The following PCDHGA6 variants were observed in gnomAD, a reference collection of about 807,000 sequenced individuals.
PCDHGA6 encodes protocadherin gamma subfamily A, 6.
PCDHGA6 carries 41 observed loss-of-function variants against 60.6 expected under a neutral mutation model. The ratio of observed to expected loss-of-function variants is 0.68; its 90% CI spans 0.53 to 0.88. PCDHGA6 has a LOEUF of 0.88. Ranked by LOEUF, PCDHGA6 falls within the 40% of genes least tolerant of loss-of-function variation. The pLI is 0.00. For missense variants in PCDHGA6, 1,312 were observed against 1,203.0 expected (o/e 1.09, Z -1.34); for synonymous variants, 594 against 524.4 (o/e 1.13, Z -1.81).
chr5:141,427,810 G>A (rs2097074260), intron 1 of PCDHGA6: 1 of 1,523,990 alleles, frequency 6.6e-7, no homozygotes, highest in Non-Finnish European at 9.0e-7. Flanking sequence ...AGCGCACAGA[G>A]CGGGGTGGTG....
At chr5:141,450,626 A>G (rs1474729472) in intron 1 of PCDHGA6, among the ~76,000 whole-genome samples, 1 of 151,438 alleles carries the variant, frequency 6.6e-6, no homozygotes, top group East Asian at 2.0e-4. Context: ...AGCTGGGATT[A>G]CAGATGCCTG....
chr5:141,397,625 G>A (rs558654986), intron 1 of PCDHGA6, among the ~76,000 whole-genome samples: 2 of 152,338 alleles, frequency 1.3e-5, no homozygotes, highest in South Asian at 4.1e-4. Flanking sequence ...CTTAGTTCTA[G>A]CTAAGAGTTC....
At chr5:141,440,115 A>G (rs921555018) in intron 1 of PCDHGA6, 4 of 152,250 alleles carry the variant, frequency 2.6e-5, no homozygotes, top group African/African-American at 4.8e-5. Flanking sequence ...TTACTTGTGA[A>G]TGACTGAATG....
At chr5:141,428,552 T>TC in intron 1 of PCDHGA6, 2 of 244,422 alleles carry the variant, frequency 8.2e-6, no homozygotes, top group African/African-American at 2.2e-5. Context: ...CCAGAAACAG[T>TC]CCCCCCACAA....
intron 1 of PCDHGA6, among the ~76,000 whole-genome samples, chr5:141,469,004 C>T (rs570896326): frequency 3.3e-5 from 5 of 151,802 alleles, no homozygotes; most frequent in Admixed American, 2.0e-4. Flanking sequence ...TTGCTGGGTG[C>T]GGTGGGTCAC....
intron 1 of PCDHGA6, chr5:141,388,273 C>G: frequency 6.3e-7 from 1 of 1,597,470 alleles, no homozygotes; most frequent in East Asian, 2.3e-5. Context: ...AATGACCACA[C>G]GCCAAAATTC....
At chr5:141,443,317 C>A (rs898636207) in intron 1 of PCDHGA6, among the ~76,000 whole-genome samples, 39 of 142,046 alleles carry the variant, frequency 2.7e-4, no homozygotes, top group Non-Finnish European at 2.5e-4. Context: ...CCCATCTCTA[C>A]AAAAAAAAAA....
rs1334965321 is a variant in PCDHGA6, at chr5:141,432,195, C to T, written c.2424+55688C>T. 3 of 1,614,088 alleles carry T rather than the reference C, an allele frequency of 1.9e-6. No homozygotes were observed. The Admixed American group carries it at 5.0e-5, about 27-fold the overall frequency. ...CTCGTCTCTGTGACCGCCCACGACC[C>T]CGACTGTGAAGAGAACGCCCAGATC... On this transcript the variant is annotated intron_variant, in intron 1 of 3. Transcript: ENST00000517434. This position sits in a 1 kb window ranked among gnomAD's most constrained non-coding sequence, Gnocchi z 6.0.
At position 141,374,406 on chromosome 5, in the gene PCDHGA6, T is replaced by A. The variant is rs748431130; in HGVS notation, c.323T>A (p.Ile108Asn). Residue 108 changes from isoleucine to asparagine, a missense_variant, in exon 1 of 4, where the codon ATC becomes AAC. By Grantham distance (149) the Ile-to-Asn change is moderately radical (BLOSUM62 -3). Coordinates refer to ENST00000517434, the MANE Select transcript of PCDHGA6 (RefSeq NM_018919.3). ...QSPRCLVSFN[I>N]LVEDKLNLYP... ...CCGCGGTGTCTGGTGAGTTTTAACATCCTTGTCGAGGATAAACTGAATCTT... is the reference window on the plus strand; with the variant it reads ...CCGCGGTGTCTGGTGAGTTTTAACAACCTTGTCGAGGATAAACTGAATCTT... The A allele has an allele frequency of 1.2e-6, 2 of 1,614,018 alleles. No individual in the cohort carries two copies. The highest frequency in any genetic ancestry group is 2.2e-5 in the East Asian group (1 of 44,880).
At position 141,375,605 on chromosome 5, in the gene PCDHGA6, A is replaced by C; in HGVS notation, c.1522A>C (p.Asn508His). The change falls in exon 1 of 4, where the codon AAC (asparagine) becomes CAC (histidine). Residue 508 changes from asparagine (N) to histidine (H), a missense_variant. Coordinates refer to ENST00000517434, the MANE Select transcript of PCDHGA6 (RefSeq NM_018919.3). ...GCCCCTGTCCTCCTACGTGTCCATC[A>C]ACTCCGACACTGGGATTCTGTACGC... ...GAPLSSYVSINSDTGILYALR... is the reference protein window; with the variant it reads ...GAPLSSYVSIHSDTGILYALR... The C allele has an allele frequency of 1.2e-6, 2 of 1,614,082 alleles. No homozygotes were observed. Among genetic ancestry groups the C allele is most frequent in the Non-Finnish European group, 1.7e-6 (2 of 1,179,996 alleles).
At position 141,430,558 on chromosome 5, in the gene PCDHGA6, G is replaced by A. The variant is rs1472516429; in HGVS notation, c.2424+54051G>A. 2.2e-5 allele frequency: 9 copies of A among 417,488 alleles called. No homozygotes were observed. In the East Asian group the frequency reaches 3.3e-4, roughly 15 times the overall value. The allele number at this position is 417,488 out of a possible 1,614,324, so 25.9% of individuals were successfully genotyped here. On this transcript the variant is annotated intron_variant, in intron 1 of 3. Transcript: ENST00000517434. ...TCTGAGCGCCGCTGTTCACCAATCGGGGAGAGAAAAGCGGAGATCCTGCTC... is the reference window on the plus strand; with the variant it reads ...TCTGAGCGCCGCTGTTCACCAATCGAGGAGAGAAAAGCGGAGATCCTGCTC...
rs946798767 is a variant in PCDHGA6 at position 141,438,591 on chromosome 5, C to CATATAT, written c.2425-56176_2425-56171dup. Among the ~76,000 whole-genome samples the CATATAT allele has an allele frequency of 1.5e-3, 111 of 75,470 alleles. 1 individual carries two copies. Among genetic ancestry groups the CATATAT allele is most frequent in the Non-Finnish European group, 2.3e-3 (84 of 37,244 alleles). 49.5% of individuals were successfully genotyped at this position (75,470 alleles called of 152,430 possible). A position where few individuals can be genotyped will look rare whatever the true frequency, so the allele number is the denominator to read the frequency against. ...TCTGATATACATACATACATACATA[C>CATATAT]ATATATATATATATATATATATATA... On this transcript the variant is annotated intron_variant, in intron 1 of 3. Transcript: ENST00000517434.
intron 1 of PCDHGA6, chr5:141,394,860 G>T: frequency 1.2e-6 from 2 of 1,613,792 alleles, no homozygotes; most frequent in Non-Finnish European, 1.7e-6. Context: ...GCCTTCGGTC[G>T]ACCCGAACGA....
At chr5:141,392,802 A>C in intron 1 of PCDHGA6, 2 of 1,572,582 alleles carry the variant, frequency 1.3e-6, no homozygotes, top group Non-Finnish European at 1.7e-6. Flanking sequence ...AGGATTCTGC[A>C]GCAAAACAAC....
At chr5:141,422,375 TCTC>T in intron 1 of PCDHGA6, 1 of 1,570,814 alleles carries the variant, frequency 6.4e-7, no homozygotes, top group Non-Finnish European at 8.6e-7. Context: ...AATGGTCAAG[TCTC>T]CTGTTTTATT....
At chr5:141,421,418 G>A (rs771088122) in intron 1 of PCDHGA6, 1 of 1,614,086 alleles carries the variant, frequency 6.2e-7, no homozygotes, top group Admixed American at 1.7e-5. Flanking sequence ...GCGAAGCGCG[G>A]AGTCCGCATC....
intron 2 of PCDHGA6, among the ~76,000 whole-genome samples, chr5:141,498,994 AAGGAAGGAAGG>A (rs2099788184): frequency 2.0e-5 from 3 of 148,560 alleles, no homozygotes; most frequent in Non-Finnish European, 4.5e-5. Flanking sequence ...GGAAGGAAGG[AAGGAAGGAAGG>A]AAGGAAGGAA....
At chr5:141,436,471 A>G (rs1249793994) in intron 1 of PCDHGA6, among the ~76,000 whole-genome samples, 1 of 152,204 alleles carries the variant, frequency 6.6e-6, no homozygotes, top group Non-Finnish European at 1.5e-5. Flanking sequence ...TTTCAGATGT[A>G]TCATAGAAGG....
Position 141,432,058 on chromosome 5 carries a change from C to T in PCDHGA6, c.2424+55551C>T, listed in dbSNP as rs2097444209. On this transcript the variant is annotated intron_variant, in intron 1 of 3. Coordinates refer to ENST00000517434, the MANE Select transcript of PCDHGA6 (RefSeq NM_018919.3). The surrounding 1 kb of genome is among the most constrained non-coding windows in gnomAD (Gnocchi z 6.0). ...CTGACCGGGGAACCCCGCCCCTATC[C>T]ACGGAAACTCATATCTCGCTGAACG... 1 of 1,614,210 alleles carries T rather than the reference C, an allele frequency of 6.2e-7. No individual in the cohort carries two copies.
Sources: allele counts gnomAD v4.1 joint callset (sites outside exome capture counted in the v4.1 genomes callset), GRCh38; gene constraint gnomAD v4.1.1; non-coding constraint Gnocchi (gnomAD v3.1); transcripts MANE v1.5; gene names NCBI Gene and HGNC (gene_info 2026-07-23, HGNC 2026-07-21).